PLCE1: variants seen among roughly 807,000 people sequenced by gnomAD.
PLCE1 encodes 1-phosphatidylinositol 4,5-bisphosphate phosphodiesterase epsilon-1.
A neutral mutation model predicts 242.8 loss-of-function variants in PLCE1; 119 were observed. That is an observed-to-expected ratio of 0.49 (90% CI 0.42 to 0.57). PLCE1 has a LOEUF of 0.57. Ranked by LOEUF, PLCE1 falls within the 20% of genes least tolerant of loss-of-function variation. PLCE1 has a pLI of 0.00. For synonymous variants in PLCE1, 945 were observed against 1,017.4 expected (o/e 0.93, Z 1.35); for missense variants, 2,441 against 2,788.8 (o/e 0.88, Z 2.81).
At chr10:94,110,685 T>A (rs1316850530) in intron 2 of PLCE1, among the ~76,000 whole-genome samples, 1 of 152,236 alleles carries the variant, frequency 6.6e-6, no homozygotes, top group African/African-American at 2.4e-5. Context: ...TCACAGGTGA[T>A]CTTTTGCTTT....
intron 2 of PLCE1, among the ~76,000 whole-genome samples, chr10:94,102,591 G>C (rs1047485789): frequency 6.6e-6 from 1 of 152,214 alleles, no homozygotes; most frequent in African/African-American, 2.4e-5. Flanking sequence ...CACACGTGAA[G>C]ACAATACATT....
intron 2 of PLCE1, among the ~76,000 whole-genome samples, chr10:94,072,629 A>G (rs1469877958): frequency 6.6e-6 from 1 of 151,876 alleles, no homozygotes; most frequent in Non-Finnish European, 1.5e-5. Context: ...AAGCATAGGA[A>G]CTCTTCAGAA....
At chr10:94,282,941 G>T (rs988558790) in intron 20 of PLCE1, among the ~76,000 whole-genome samples, 1 of 152,094 alleles carries the variant, frequency 6.6e-6, no homozygotes, top group African/African-American at 2.4e-5. Flanking sequence ...GAATACAAAT[G>T]TAATGAAATG....
chr10:94,054,092 G>A (rs1378431714), intron 2 of PLCE1, among the ~76,000 whole-genome samples: 2 of 152,044 alleles, frequency 1.3e-5, no homozygotes, highest in Non-Finnish European at 2.9e-5. Context: ...TGGTCTAGTG[G>A]GGCCTTCCTT....
chr10:94,128,052 A>G (rs1159884617), intron 2 of PLCE1, among the ~76,000 whole-genome samples: 1 of 150,544 alleles, frequency 6.6e-6, no homozygotes, highest in African/African-American at 2.5e-5. Flanking sequence ...CAGTGGTGCA[A>G]TCTCAGCTTA....
At chr10:94,007,059 G>A (rs529064587) in intron 1 of PLCE1, among the ~76,000 whole-genome samples, 1 of 152,296 alleles carries the variant, frequency 6.6e-6, no homozygotes, top group South Asian at 2.1e-4. Flanking sequence ...TGGGTGTGTT[G>A]ATAAAGAGGA....
At chr10:94,067,437 CA>C (rs1359144569) in intron 2 of PLCE1, among the ~76,000 whole-genome samples, 1 of 152,198 alleles carries the variant, frequency 6.6e-6, no homozygotes, top group Non-Finnish European at 1.5e-5. Flanking sequence ...CTTCATAATG[CA>C]AATCTGATCA....
intron 3 of PLCE1, among the ~76,000 whole-genome samples, chr10:94,137,253 G>C (rs1194217420): frequency 6.6e-6 from 1 of 152,046 alleles, no homozygotes; most frequent in African/African-American, 2.4e-5. Context: ...CATTAATCTT[G>C]TTAGAATCTC....
intron 11 of PLCE1, 71 bp downstream of exon 11, chr10:94,255,120 A>G: frequency 2.6e-6 from 4 of 1,514,802 alleles, no homozygotes; most frequent in Non-Finnish European, 3.7e-6. Flanking sequence ...GCATATCTTT[A>G]CAGTTGTCTA....
chr10:94,133,781 C>T (rs572107891), intron 3 of PLCE1, among the ~76,000 whole-genome samples: 1 of 152,240 alleles, frequency 6.6e-6, no homozygotes, highest in African/African-American at 2.4e-5. Context: ...TTCAGCCATT[C>T]AACACATTTT....
chr10:94,061,385 G>A (rs2044051793), intron 2 of PLCE1, among the ~76,000 whole-genome samples: 1 of 152,206 alleles, frequency 6.6e-6, no homozygotes, highest in South Asian at 2.1e-4. Flanking sequence ...TGAATCTGTG[G>A]ATGGGGACTG....
rs143188906 is a variant in PLCE1, at chr10:94,106,830, G to C, written c.1207-25344G>C. Among the ~76,000 whole-genome samples, 16 of 150,448 alleles carry C rather than the reference G, an allele frequency of 1.1e-4. No homozygotes were observed. In the East Asian group the frequency reaches 3.1e-3, roughly 30 times the overall value. On this transcript the variant is annotated intron_variant, in intron 2 of 32. Coordinates refer to ENST00000371380, the MANE Select transcript of PLCE1 (RefSeq NM_016341.4). ...GCCTCTATGCCTCTCTTTTTGCACA[G>C]TGAATGTATTTTTTCTTCCCCTGCT...
chr10:94,067,933 C>G (rs1481814692), intron 2 of PLCE1, among the ~76,000 whole-genome samples: 2 of 152,100 alleles, frequency 1.3e-5, no homozygotes, highest in Non-Finnish European at 2.9e-5. Flanking sequence ...AACATGCAAA[C>G]AGAAGTTACA....
At chr10:94,126,053 T>C (rs764896752) in intron 2 of PLCE1, among the ~76,000 whole-genome samples, 8 of 152,226 alleles carry the variant, frequency 5.3e-5, no homozygotes, top group Non-Finnish European at 7.3e-5. Context: ...CACATCCTAG[T>C]ACTGGCTTCT....
intron 31 of PLCE1, 116 bp from the exon 32 acceptor site, chr10:94,324,776 C>A: frequency 9.0e-7 from 1 of 1,113,906 alleles, no homozygotes; most frequent in Non-Finnish European, 1.3e-6. Flanking sequence ...AGCTCCTCAG[C>A]CCTACTCTCT....
chr10:94,165,162 C>T (rs2047753087), intron 3 of PLCE1, among the ~76,000 whole-genome samples: 2 of 152,216 alleles, frequency 1.3e-5, no homozygotes, highest in African/African-American at 4.8e-5. Flanking sequence ...CTCTTCAAAG[C>T]TGTTAGACAG....
intron 4 of PLCE1, among the ~76,000 whole-genome samples, chr10:94,215,884 C>T (rs2049508310): frequency 6.6e-6 from 1 of 152,122 alleles, no homozygotes; most frequent in Non-Finnish European, 1.5e-5. Flanking sequence ...GATCATGCCA[C>T]TGCACTCCAG....
intron 1 of PLCE1, among the ~76,000 whole-genome samples, chr10:93,994,523 T>C (rs1270766855): frequency 6.6e-6 from 1 of 152,130 alleles, no homozygotes; most frequent in East Asian, 1.9e-4. Flanking sequence ...GTGAATACGG[T>C]GTGGAGGTGG....
chr10:94,180,591 C>T (rs1482510704), intron 4 of PLCE1, among the ~76,000 whole-genome samples: 1 of 152,154 alleles, frequency 6.6e-6, no homozygotes, highest in Non-Finnish European at 1.5e-5. Flanking sequence ...ATTTTTCCAC[C>T]TCTCTGTCTG....
Sources: allele counts gnomAD v4.1 joint callset (sites outside exome capture counted in the v4.1 genomes callset), GRCh38; gene constraint gnomAD v4.1.1; transcripts MANE v1.5; gene names NCBI Gene and HGNC (gene_info 2026-07-23, HGNC 2026-07-21).